Variants in RAB3C observed in about 807,000 individuals in gnomAD.
RAB3C encodes the protein ras-related protein Rab-3C.
RAB3C carries 17 observed loss-of-function variants against 26.4 expected under a neutral mutation model. The ratio of observed to expected loss-of-function variants is 0.64; its 90% confidence interval spans 0.44 to 0.97. RAB3C has a LOEUF of 0.97. Among genes scored for constraint, RAB3C ranks in the 50% least tolerant of loss-of-function variants. RAB3C has a pLI of 0.00. For synonymous variants in RAB3C, 91 were observed against 95.9 expected (o/e 0.95, Z 0.30); for missense variants, 242 against 281.9 (o/e 0.86, Z 1.01).
chr5:58,608,001 A>G (rs956846865), intron 1 of RAB3C, among the ~76,000 whole-genome samples: 1 of 152,216 alleles, frequency 6.6e-6, no homozygotes, highest in Non-Finnish European at 1.5e-5. Flanking sequence ...AAGACCATCA[A>G]TGCTATGAAG....
At chr5:58,673,724 A>G (rs1018507461) in intron 2 of RAB3C, among the ~76,000 whole-genome samples, 11 of 152,286 alleles carry the variant, frequency 7.2e-5, no homozygotes, top group African/African-American at 2.2e-4. Flanking sequence ...ACGTTTCCCA[A>G]TGAAAAAGGA....
upstream of RAB3C, chr5:58,583,005 A>G: frequency 7.3e-7 from 1 of 1,373,108 alleles, no homozygotes; most frequent in Non-Finnish European, 9.5e-7. Context: ...GGAGGGCGAG[A>G]CTACAGCTCC....
chr5:58,798,728 A>C (rs192389353), intron 3 of RAB3C, among the ~76,000 whole-genome samples: 1 of 152,360 alleles, frequency 6.6e-6, no homozygotes, highest in Non-Finnish European at 1.5e-5. Flanking sequence ...ATAGTTATGC[A>C]AATATTTCAA....
rs1296569275 is a variant in RAB3C at position 58,857,377 on chromosome 5, C to T, written c.*6026C>T. ...AGAATTGTGGATTTTATTGTCAAGA[C>T]AGAATGGCTGTTCATTTATTTTATA... On this transcript the variant is annotated 3_prime_UTR_variant, in exon 5 of 5. Transcript: ENST00000282878. 6.6e-6 allele frequency: 1 copy of T among 152,120 alleles called. No individual in the cohort carries two copies. The highest frequency in any genetic ancestry group is 1.5e-5 in the Non-Finnish European group (1 of 68,010). The allele number at this position is 152,120 out of a possible 1,614,324, so 9.4% of individuals were successfully genotyped here.
chr5:58,800,777 A>G (rs1051720951), intron 3 of RAB3C, among the ~76,000 whole-genome samples: 23 of 152,216 alleles, frequency 1.5e-4, no homozygotes, highest in Non-Finnish European at 3.4e-4. Flanking sequence ...CAGGGTCCCC[A>G]GGGTGCCAAG....
intron 3 of RAB3C, among the ~76,000 whole-genome samples, chr5:58,728,871 C>T (rs1740943322): frequency 1.3e-5 from 2 of 152,036 alleles, no homozygotes; most frequent in African/African-American, 4.8e-5. Flanking sequence ...TCCATACGCT[C>T]TATGTTTCAA....
intron 2 of RAB3C, among the ~76,000 whole-genome samples, chr5:58,641,974 A>C (rs757569855): frequency 1.3e-5 from 2 of 152,230 alleles, no homozygotes; most frequent in Non-Finnish European, 2.9e-5. Context: ...TTGGGCACAT[A>C]ACATAACTCC....
chr5:58,691,240 A>G (rs1351130446), intron 2 of RAB3C, among the ~76,000 whole-genome samples: 1 of 152,166 alleles, frequency 6.6e-6, no homozygotes, highest in African/African-American at 2.4e-5. Flanking sequence ...GTCTTACTGA[A>G]TCTAGTCTTT....
intron 2 of RAB3C, among the ~76,000 whole-genome samples, chr5:58,711,302 C>T (rs973660889): frequency 3.9e-5 from 6 of 152,136 alleles, no homozygotes; most frequent in Non-Finnish European, 8.8e-5. Context: ...CTGACAGGCT[C>T]GCTTCGATTT....
intron 3 of RAB3C, chr5:58,788,411 T>A (rs1297536613): frequency 6.6e-6 from 1 of 152,232 alleles, no homozygotes; most frequent in Non-Finnish European, 1.5e-5. Context: ...CATCCTCAAA[T>A]GAGAACCTGC....
At chr5:58,847,522 C>T (rs1311849807) in intron 4 of RAB3C, among the ~76,000 whole-genome samples, 1 of 152,110 alleles carries the variant, frequency 6.6e-6, no homozygotes, top group Admixed American at 6.5e-5. Context: ...GAGGTAACAG[C>T]CATAAAATCT....
At chr5:58,796,202 C>A (rs9292178) in intron 3 of RAB3C, among the ~76,000 whole-genome samples, 14,974 of 152,170 alleles carry the variant, frequency 0.098, 945 homozygotes, top group Non-Finnish European at 0.15. Context: ...GGTATAAATA[C>A]CTTTAGGAAT....
Position 58,596,736 on chromosome 5 carries a change from A to AT in RAB3C, c.24+13505dup, listed in dbSNP as rs1561260017. Among the ~76,000 whole-genome samples, 478 of 90,978 alleles carry AT rather than the reference A, an allele frequency of 5.3e-3. 17 individuals are homozygous for AT. Among genetic ancestry groups the AT allele is most frequent in the African/African-American group, 0.022 (445 of 20,418 alleles). 59.7% of individuals were successfully genotyped at this position (90,978 alleles called of 152,430 possible). On this transcript the variant is annotated intron_variant, in intron 1 of 4. Coordinates refer to ENST00000282878, the MANE Select transcript of RAB3C (RefSeq NM_138453.4). ...ATATATAATATATAATACATAATAT[A>AT]TAAATATATAATACATAATATATAA...
Position 58,813,052 on chromosome 5 carries a change from T to C in RAB3C, c.372-11986T>C, listed in dbSNP as rs114931833. Among the ~76,000 whole-genome samples, 298 of 152,296 alleles carry C rather than the reference T, an allele frequency of 2.0e-3. 1 individual carries two copies. The highest frequency in any genetic ancestry group is 6.9e-3 in the African/African-American group (288 of 41,558). ...GGAAAGGTTTGTATTCCAGTTCTGT[T>C]ATATGTTATCGGATTGTTTCTAGTA... is the stretch of plus-strand genomic sequence containing the variant. On this transcript the variant is annotated intron_variant, in intron 3 of 4. Transcript: ENST00000282878.
chr5:58,666,094 A>G (rs538310035), intron 2 of RAB3C, among the ~76,000 whole-genome samples: 1 of 152,314 alleles, frequency 6.6e-6, no homozygotes, highest in East Asian at 1.9e-4. Context: ...ACTATATTTT[A>G]ATTCCTTGCT....
At chr5:58,811,684 G>C (rs1304180143) in intron 3 of RAB3C, among the ~76,000 whole-genome samples, 1 of 151,782 alleles carries the variant, frequency 6.6e-6, no homozygotes, top group African/African-American at 2.4e-5. Context: ...TGGGAGGCCA[G>C]CTTAACCATG....
chr5:58,733,674 TTAAG>T (rs1293938468), intron 3 of RAB3C, among the ~76,000 whole-genome samples: 1 of 152,170 alleles, frequency 6.6e-6, no homozygotes, highest in Non-Finnish European at 1.5e-5. Flanking sequence ...CTAAATAGGC[TTAAG>T]TAAGTATAGA....
At chr5:58,848,076 C>T (rs955809466) in intron 4 of RAB3C, among the ~76,000 whole-genome samples, 26 of 152,208 alleles carry the variant, frequency 1.7e-4, no homozygotes, top group East Asian at 5.8e-4. Flanking sequence ...AGGCTGGTCT[C>T]GAACTCCTGA....
At chr5:58,758,972 T>C (rs1407973814) in intron 3 of RAB3C, among the ~76,000 whole-genome samples, 2 of 152,166 alleles carry the variant, frequency 1.3e-5, no homozygotes, top group Non-Finnish European at 2.9e-5. Context: ...AGATTTGACA[T>C]TTCCAAACCA....
Sources: gnomAD v4.1 joint callset for allele counts (sites outside exome capture counted in the v4.1 genomes callset) on GRCh38, gnomAD v4.1.1 for gene constraint, MANE v1.5 for transcripts, NCBI Gene and HGNC (gene_info 2026-07-23, HGNC 2026-07-21) for gene names.